The following GNA12 variants were observed in gnomAD, a reference collection of about 807,000 sequenced individuals.
The protein encoded by GNA12 is guanine nucleotide-binding protein subunit alpha-12.
Under a neutral mutation model 26.0 loss-of-function variants are expected in GNA12, and 9 were observed. That is an observed-to-expected ratio of 0.35 (90% CI 0.21 to 0.60). The LOEUF is 0.60. GNA12 is among the 20% of genes least tolerant of loss of function. The pLI is 0.78. For missense variants in GNA12, 405 were observed against 525.8 expected (o/e 0.77, Z 2.25); for synonymous variants, 264 against 219.6 (o/e 1.20, Z -1.79).
chr7:2,741,573 T>G (rs1029029221), intron 2 of GNA12, among the ~76,000 whole-genome samples: 13 of 152,188 alleles, frequency 8.5e-5, no homozygotes, highest in African/African-American at 3.1e-4. Flanking sequence ...TCTTTGGGGC[T>G]AGGACAGAGG....
At chr7:2,781,676 C>T (rs571319565) in intron 2 of GNA12, among the ~76,000 whole-genome samples, 1 of 152,110 alleles carries the variant, frequency 6.6e-6, no homozygotes, top group South Asian at 2.1e-4. Context: ...TTTCTCAAGC[C>T]TTGAAAAATG....
chr7:2,757,750 A>G (rs925717544), intron 2 of GNA12, among the ~76,000 whole-genome samples: 4 of 152,228 alleles, frequency 2.6e-5, no homozygotes, highest in African/African-American at 9.6e-5. Flanking sequence ...CATAAAGGAA[A>G]ATGTCATCTT....
At chr7:2,756,948 C>T (rs1459294057) in intron 2 of GNA12, among the ~76,000 whole-genome samples, 1 of 151,918 alleles carries the variant, frequency 6.6e-6, no homozygotes, top group Non-Finnish European at 1.5e-5. Context: ...GTGGCACATG[C>T]CTGTAGTTCC....
intron 1 of GNA12, among the ~76,000 whole-genome samples, chr7:2,821,485 AT>A (rs1382717587): frequency 8.5e-5 from 13 of 152,342 alleles, no homozygotes; most frequent in East Asian, 7.7e-4. Flanking sequence ...TGCTTTAATC[AT>A]CCACTCAGGA....
At chr7:2,788,304 C>G (rs141710794) in intron 2 of GNA12, among the ~76,000 whole-genome samples, 2 of 152,206 alleles carry the variant, frequency 1.3e-5, no homozygotes, top group Non-Finnish European at 2.9e-5. Context: ...CGCCGCACAG[C>G]CTGCCTTGTC....
intron 1 of GNA12, among the ~76,000 whole-genome samples, chr7:2,807,618 C>T (rs1316643765): frequency 1.3e-5 from 2 of 151,210 alleles, no homozygotes; most frequent in Non-Finnish European, 2.9e-5. Context: ...GATAACACAG[C>T]AGCTTGCTCA....
At chr7:2,779,988 C>T (rs899556889) in intron 2 of GNA12, among the ~76,000 whole-genome samples, 7 of 146,558 alleles carry the variant, frequency 4.8e-5, no homozygotes, top group African/African-American at 1.3e-4. Flanking sequence ...AAAAATAGAA[C>T]AACTGAGGTA....
intron 1 of GNA12, among the ~76,000 whole-genome samples, chr7:2,811,628 T>C (rs929912287): frequency 1.3e-5 from 2 of 152,180 alleles, no homozygotes; most frequent in African/African-American, 4.8e-5. Flanking sequence ...TTTCGTAAGG[T>C]TGTAAAGAAC....
At chr7:2,764,966 G>A (rs970679025) in intron 2 of GNA12, 7 of 152,224 alleles carry the variant, frequency 4.6e-5, no homozygotes, top group Non-Finnish European at 7.3e-5. Flanking sequence ...TTGTACGGTG[G>A]AAAAGTAATA....
At chr7:2,807,132 C>T (rs536665817) in intron 1 of GNA12, among the ~76,000 whole-genome samples, 12 of 152,220 alleles carry the variant, frequency 7.9e-5, no homozygotes, top group East Asian at 1.9e-4. Flanking sequence ...CAAACCACAG[C>T]TCAAAGAGAA....
rs1789798552 is a variant in GNA12 at position 2,729,840 on chromosome 7, T to C, written c.*1341A>G. On this transcript the variant is annotated 3_prime_UTR_variant, in exon 4 of 4. Coordinates refer to ENST00000275364, the MANE Select transcript of GNA12 (RefSeq NM_007353.3). ...CAGAGGGGACCAGCTTGGAATGCAA[T>C]GTATTTTAAACACAGTGAAAGCCAC... The C allele has an allele frequency of 6.6e-6, 1 of 152,374 alleles. No homozygotes were observed. Among genetic ancestry groups the C allele is most frequent in the Admixed American group, 6.5e-5 (1 of 15,278 alleles). 9.4% of individuals were successfully genotyped at this position (152,374 alleles called of 1,614,324 possible).
chr7:2,822,481 C>T (rs146662305), intron 1 of GNA12, among the ~76,000 whole-genome samples: 23 of 152,282 alleles, frequency 1.5e-4, no homozygotes, highest in African/African-American at 3.9e-4. Flanking sequence ...TGGTGGCTCT[C>T]GCCTGTAATC....
chr7:2,728,798 T>C lies in GNA12; in HGVS notation c.*2383A>G, dbSNP rs1388217763. The C allele has an allele frequency of 6.6e-6, 1 of 152,370 alleles. No individual in the cohort carries two copies. Among genetic ancestry groups the C allele is most frequent in the Non-Finnish European group, 1.5e-5 (1 of 68,048 alleles). 9.4% of individuals were successfully genotyped at this position (152,370 alleles called of 1,614,324 possible). On this transcript the variant is annotated 3_prime_UTR_variant, in exon 4 of 4. Transcript: ENST00000275364. ...TCCAATTACAATGTGTTACAGAATTTGGAAGGGGGTGTCTTTAAAAACGTT... is the reference window on the plus strand; with the variant it reads ...TCCAATTACAATGTGTTACAGAATTCGGAAGGGGGTGTCTTTAAAAACGTT...
chr7:2,815,895 G>A lies in GNA12; in HGVS notation c.310-20752C>T, dbSNP rs79294814. 7.3e-3 allele frequency among the ~76,000 whole-genome samples: 1,107 copies of A among 152,316 alleles called. 10 individuals are homozygous for A. The highest frequency in any genetic ancestry group is 0.02 in the African/African-American group (818 of 41,554). On this transcript the variant is annotated intron_variant, in intron 1 of 3. Coordinates refer to ENST00000275364, the MANE Select transcript of GNA12 (RefSeq NM_007353.3). The stretch of plus-strand genomic sequence containing the variant: ...CAAACACTGAATTTTTCATTCATCT[G>A]AAAATAAGGGAGATAGTTTTTGAGT...
In GNA12 at chr7:2,781,801, C is replaced by T. The variant is rs188774340; in HGVS notation, c.525+13127G>A. 3.6e-3 allele frequency among the ~76,000 whole-genome samples: 554 copies of T among 152,212 alleles called. 6 individuals are homozygous for T. The highest frequency in any genetic ancestry group is 0.023 in the South Asian group (110 of 4,822). The stretch of plus-strand genomic sequence containing the variant: ...AGAGCAAGTCCATGTTATTCTTCAT[C>T]AATAACAACTACAACTTGACATCAT... On this transcript the variant is annotated intron_variant, in intron 2 of 3. Coordinates refer to ENST00000275364, the MANE Select transcript of GNA12 (RefSeq NM_007353.3).
At chr7:2,840,926 G>C (rs1340900863) in intron 1 of GNA12, among the ~76,000 whole-genome samples, 4 of 152,080 alleles carry the variant, frequency 2.6e-5, no homozygotes, top group Admixed American at 6.5e-5. Flanking sequence ...CGGGGGTGGG[G>C]GCTGAAGAGG....
chr7:2,749,337 AATG>A (rs1790913838), intron 2 of GNA12, among the ~76,000 whole-genome samples: 1 of 152,252 alleles, frequency 6.6e-6, no homozygotes, highest in Admixed American at 6.5e-5. Context: ...AGCCATAAAA[AATG>A]ATGAGTTCTT....
chr7:2,750,171 A>G (rs762288395), intron 2 of GNA12, among the ~76,000 whole-genome samples: 2 of 152,206 alleles, frequency 1.3e-5, no homozygotes, highest in Non-Finnish European at 2.9e-5. Context: ...AGGGCCTGGA[A>G]GTCGTCACTC....
chr7:2,780,048 G>GTGTATATATA lies in GNA12; in HGVS notation c.525+14879_525+14880insTATATATACA, dbSNP rs748113158. 3.1e-3 allele frequency among the ~76,000 whole-genome samples: 262 copies of GTGTATATATA among 84,664 alleles called. 4 individuals are homozygous for GTGTATATATA. The highest frequency in any genetic ancestry group is 6.3e-3 in the South Asian group (14 of 2,208). The allele number at this position is 84,664 out of a possible 152,430, so 55.5% of individuals were successfully genotyped here. ...GTACTAGTTTTTTACACATTTCTGTGTACATATATATATATATATATATAT... is the reference window on the plus strand; with the variant it reads ...GTACTAGTTTTTTACACATTTCTGTGTGTATATATATACATATATATATATATATATATAT... On this transcript the variant is annotated intron_variant, in intron 2 of 3. Transcript: ENST00000275364.
Sources: gnomAD v4.1 joint callset for allele counts (sites outside exome capture counted in the v4.1 genomes callset) on GRCh38, gnomAD v4.1.1 for gene constraint, MANE v1.5 for transcripts, NCBI Gene and HGNC (gene_info 2026-07-23, HGNC 2026-07-21) for gene names.